Variants in ADK observed in about 807,000 individuals in gnomAD.
ADK encodes adenosine kinase.
In ADK, 24 loss-of-function variants were observed where a neutral mutation model predicts 44.7. The observed-to-expected ratio is 0.54, with a 90% CI of 0.39 to 0.76. The LOEUF is 0.76. Ranked by LOEUF, ADK falls within the 30% of genes least tolerant of loss-of-function variation. The pLI is 0.00. For synonymous variants in ADK, 128 were observed against 142.6 expected (o/e 0.90, Z 0.73); for missense variants, 321 against 425.1 (o/e 0.76, Z 2.15).
At chr10:74,569,689 G>A (rs1433767509) in intron 7 of ADK, among the ~76,000 whole-genome samples, 2 of 152,144 alleles carry the variant, frequency 1.3e-5, no homozygotes, top group African/African-American at 4.8e-5. Flanking sequence ...TGTCAGATGA[G>A]CAGATTGCAA....
chr10:74,577,110 CTGTGTGTGTGTGTGTGTGTGTGTGTGTG>C (rs146683037), intron 7 of ADK, among the ~76,000 whole-genome samples: 1 of 137,328 alleles, frequency 7.3e-6, no homozygotes, highest in African/African-American at 2.7e-5. Flanking sequence ...TATTATTTCT[CTGTGTGTGTGTGTGTGTGTGTGTGTGTG>C]TGTGTGTGTG....
At chr10:74,448,857 A>G (rs987075967) in intron 6 of ADK, among the ~76,000 whole-genome samples, 1 of 151,898 alleles carries the variant, frequency 6.6e-6, no homozygotes, top group African/African-American at 2.4e-5. Flanking sequence ...CTCTCATCCC[A>G]TAACAGATAG....
chr10:74,653,105 C>T (rs1458670523), intron 9 of ADK, among the ~76,000 whole-genome samples: 1 of 152,120 alleles, frequency 6.6e-6, no homozygotes, highest in Non-Finnish European at 1.5e-5. Context: ...CTTTATTGAA[C>T]CTCAGAGATG....
chr10:74,657,928 T>C (rs2134157930), intron 9 of ADK, among the ~76,000 whole-genome samples: 1 of 152,314 alleles, frequency 6.6e-6, no homozygotes, highest in African/African-American at 2.4e-5. Context: ...CATGCCTTAT[T>C]TGGAACTAAG....
At chr10:74,253,895 C>T (rs1273410653) in intron 3 of ADK, among the ~76,000 whole-genome samples, 1 of 151,176 alleles carries the variant, frequency 6.6e-6, no homozygotes, top group Non-Finnish European at 1.5e-5. Flanking sequence ...GCCTCCTGAG[C>T]AGCTGAGACT....
At chr10:74,636,819 A>C (rs182240236) in intron 9 of ADK, among the ~76,000 whole-genome samples, 1 of 152,368 alleles carries the variant, frequency 6.6e-6, no homozygotes, top group East Asian at 1.9e-4. Flanking sequence ...TTACCAAACA[A>C]AGAAGGCAAA....
chr10:74,332,183 T>C (rs566428939), intron 4 of ADK, among the ~76,000 whole-genome samples: 1 of 152,364 alleles, frequency 6.6e-6, no homozygotes, highest in East Asian at 1.9e-4. Flanking sequence ...AGTAACATTT[T>C]GCAAATGTAA....
intron 3 of ADK, among the ~76,000 whole-genome samples, chr10:74,285,884 AT>A (rs1006879618): frequency 3.3e-5 from 5 of 152,074 alleles, no homozygotes; most frequent in African/African-American, 1.2e-4. Flanking sequence ...TTAATCCTTT[AT>A]TTTTTTAATT....
intron 10 of ADK, among the ~76,000 whole-genome samples, chr10:74,690,211 C>T (rs1363876251): frequency 6.6e-6 from 1 of 152,154 alleles, no homozygotes; most frequent in Non-Finnish European, 1.5e-5. Context: ...AAATCCAAAT[C>T]AGGCTGGGTG....
intron 9 of ADK, among the ~76,000 whole-genome samples, chr10:74,667,628 G>A (rs1485850566): frequency 4.6e-5 from 7 of 151,396 alleles, no homozygotes; most frequent in African/African-American, 1.7e-4. Context: ...CACTTCCTGG[G>A]TTTAAGCAAT....
chr10:74,569,797 T>C (rs896561557), intron 7 of ADK, among the ~76,000 whole-genome samples: 1 of 152,242 alleles, frequency 6.6e-6, no homozygotes, highest in Non-Finnish European at 1.5e-5. Flanking sequence ...ATTTGTCAAT[T>C]TTGACTTTTG....
chr10:74,303,053 G>A (rs908388493), intron 3 of ADK, among the ~76,000 whole-genome samples: 1 of 151,922 alleles, frequency 6.6e-6, no homozygotes, highest in Non-Finnish European at 1.5e-5. Flanking sequence ...GCATAATAAA[G>A]ATGCATCTTC....
chr10:74,458,158 G>T (rs1333323359), intron 6 of ADK, among the ~76,000 whole-genome samples: 2 of 112,160 alleles, frequency 1.8e-5, no homozygotes, highest in Non-Finnish European at 3.4e-5. Context: ...GGGGGAGAAG[G>T]TCTCACTCTG....
intron 1 of ADK, among the ~76,000 whole-genome samples, chr10:74,173,806 G>A (rs898801752): frequency 4.6e-5 from 7 of 152,148 alleles, no homozygotes; most frequent in African/African-American, 1.7e-4. Flanking sequence ...AAGTGCATTT[G>A]ATTGTTCAGA....
chr10:74,550,072 CTT>C (rs60206457), intron 7 of ADK, among the ~76,000 whole-genome samples: 157 of 136,360 alleles, frequency 1.2e-3, no homozygotes, highest in Admixed American at 1.5e-3. Context: ...AACCCAATCA[CTT>C]TTTTTTTTTT....
intron 4 of ADK, among the ~76,000 whole-genome samples, chr10:74,389,063 G>C (rs1843252316): frequency 1.3e-5 from 2 of 152,150 alleles, no homozygotes; most frequent in Non-Finnish European, 2.9e-5. Flanking sequence ...GTTATTCAAT[G>C]TCTGAAAATT....
At chr10:74,263,296 T>C (rs1591951974) in intron 3 of ADK, among the ~76,000 whole-genome samples, 1 of 152,152 alleles carries the variant, frequency 6.6e-6, no homozygotes, top group East Asian at 1.9e-4. Flanking sequence ...GGTTGGGTGT[T>C]TTAGGCCTTC....
intron 1 of ADK, among the ~76,000 whole-genome samples, chr10:74,169,691 G>A (rs1220916702): frequency 6.6e-6 from 1 of 152,158 alleles, no homozygotes. Flanking sequence ...CAACATAATA[G>A]CATTCTTACA....
chr10:74,700,633 AG>A (rs1225676070), intron 10 of ADK, among the ~76,000 whole-genome samples: 5 of 151,952 alleles, frequency 3.3e-5, no homozygotes, highest in Non-Finnish European at 5.9e-5. Context: ...AAAAAAAAAA[AG>A]AAAAGAAAAA....
Sources: gnomAD v4.1 joint callset for allele counts (sites outside exome capture counted in the v4.1 genomes callset) on GRCh38, gnomAD v4.1.1 for gene constraint, MANE v1.5 for transcripts, NCBI Gene and HGNC (gene_info 2026-07-23, HGNC 2026-07-21) for gene names.